Variants in ENTREP2 observed in about 807,000 individuals in gnomAD.
ENTREP2 encodes the protein endosomal transmembrane epsin interactor 2, also known as protein ENTREP2.
At chr15:29,269,194 T>C in the ENTREP2 span, 1 of 1,614,128 alleles carries the variant, frequency 6.2e-7, no homozygotes, top group Non-Finnish European at 8.5e-7. Flanking sequence ...GGGCGTGCCT[T>C]GGTCACCCCT....
chr15:29,319,138 C>T, the ENTREP2 span, among the ~76,000 whole-genome samples: 1 of 152,204 alleles, frequency 6.6e-6, no homozygotes, highest in Non-Finnish European at 1.5e-5. Context: ...ACCCTCACAA[C>T]CGCCATGGGT....
the ENTREP2 span, among the ~76,000 whole-genome samples, chr15:29,488,394 A>C: frequency 6.6e-6 from 1 of 152,206 alleles, no homozygotes; most frequent in Non-Finnish European, 1.5e-5. Context: ...GAAGAACAAA[A>C]ATGATAAAAG....
chr15:29,596,998 G>A, the ENTREP2 span, among the ~76,000 whole-genome samples: 7 of 151,516 alleles, frequency 4.6e-5, no homozygotes, highest in Non-Finnish European at 7.4e-5. Flanking sequence ...TACCTGATTA[G>A]GGTTTGCTCT....
At chr15:29,351,152 C>T in the ENTREP2 span, among the ~76,000 whole-genome samples, 1 of 152,172 alleles carries the variant, frequency 6.6e-6, no homozygotes, top group Non-Finnish European at 1.5e-5. Flanking sequence ...ACTATACATG[C>T]CTAGGCTATA....
At chr15:29,317,576 A>G in the ENTREP2 span, among the ~76,000 whole-genome samples, 1 of 152,186 alleles carries the variant, frequency 6.6e-6, no homozygotes. Context: ...CTCCCATTAA[A>G]ATTATCATAA....
chr15:29,246,026 C>T, the ENTREP2 span, among the ~76,000 whole-genome samples: 6 of 152,186 alleles, frequency 3.9e-5, no homozygotes, highest in Admixed American at 3.3e-4. Context: ...TGCTACACCC[C>T]CAGCACCTAG....
the ENTREP2 span, among the ~76,000 whole-genome samples, chr15:29,310,295 A>C: frequency 6.6e-6 from 1 of 152,160 alleles, no homozygotes; most frequent in Non-Finnish European, 1.5e-5. Context: ...GTTCTAGGAC[A>C]ATTTTTTAAA....
the ENTREP2 span, among the ~76,000 whole-genome samples, chr15:29,174,689 AAACAAAACAAAACAAAAC>A: frequency 2.7e-5 from 4 of 146,094 alleles, no homozygotes; most frequent in African/African-American, 1.1e-4. Context: ...GACTCCAACT[AAACAAAACAAAACAAAAC>A]AACAAAAAAA....
At chr15:29,530,620 G>T in the ENTREP2 span, among the ~76,000 whole-genome samples, 1 of 152,222 alleles carries the variant, frequency 6.6e-6, no homozygotes, top group African/African-American at 2.4e-5. Context: ...CTGTCCTGCT[G>T]TGCGGCTGCC....
chr15:29,442,397 A>G, the ENTREP2 span, among the ~76,000 whole-genome samples: 147 of 152,318 alleles, frequency 9.7e-4, no homozygotes, highest in African/African-American at 3.5e-3. Flanking sequence ...TTGGCTGGAA[A>G]TGATCAGAGG....
chr15:29,300,723 C>T, the ENTREP2 span, among the ~76,000 whole-genome samples: 11 of 152,156 alleles, frequency 7.2e-5, no homozygotes, highest in South Asian at 6.2e-4. Context: ...CTCAGCCTCC[C>T]GAGTAGCTGG....
chr15:29,583,463 C>A, the ENTREP2 span, among the ~76,000 whole-genome samples: 103,750 of 151,804 alleles, frequency 0.68, 35,736 homozygotes, highest in South Asian at 0.79. Flanking sequence ...ACAGGGAGGG[C>A]ACAACACTTA....
At chr15:29,510,341 C>T in the ENTREP2 span, among the ~76,000 whole-genome samples, 4 of 152,092 alleles carry the variant, frequency 2.6e-5, no homozygotes, top group African/African-American at 9.7e-5. Context: ...GACAGTGTGG[C>T]GACTGCTCAA....
the ENTREP2 span, among the ~76,000 whole-genome samples, chr15:29,671,197 T>G: frequency 1.3e-5 from 2 of 152,236 alleles, no homozygotes; most frequent in Admixed American, 6.5e-5. Context: ...ACACCCCGAC[T>G]CCATGCGGAC....
At chr15:29,405,560 C>T in the ENTREP2 span, among the ~76,000 whole-genome samples, 12 of 152,284 alleles carry the variant, frequency 7.9e-5, no homozygotes, top group African/African-American at 2.6e-4. Context: ...TCACCTCTGC[C>T]TCCCCCTCAA....
At chr15:29,645,128 C>T in the ENTREP2 span, among the ~76,000 whole-genome samples, 1 of 152,260 alleles carries the variant, frequency 6.6e-6, no homozygotes, top group East Asian at 1.9e-4. Flanking sequence ...TATAGCAGGA[C>T]ATTATCAGAG....
the ENTREP2 span, among the ~76,000 whole-genome samples, chr15:29,508,011 TAA>T: frequency 2.6e-5 from 4 of 151,604 alleles, no homozygotes; most frequent in African/African-American, 9.7e-5. Context: ...GCCAGACTAA[TAA>T]AGAGGAAAAG....
the ENTREP2 span, among the ~76,000 whole-genome samples, chr15:29,157,250 G>A: frequency 7.2e-5 from 11 of 152,160 alleles, no homozygotes; most frequent in African/African-American, 2.7e-4. Context: ...TGTGGACCAG[G>A]AGTCATCCCT....
the ENTREP2 span, among the ~76,000 whole-genome samples, chr15:29,369,122 A>G: frequency 6.6e-6 from 1 of 152,174 alleles, no homozygotes; most frequent in East Asian, 1.9e-4. Flanking sequence ...GCAATGGAGT[A>G]TATCAACAGG....
Sources: gnomAD v4.1 joint callset for allele counts (sites outside exome capture counted in the v4.1 genomes callset) on GRCh38, gnomAD v4.1.1 for gene constraint, MANE v1.5 for transcripts, NCBI Gene and HGNC (gene_info 2026-07-23, HGNC 2026-07-21) for gene names.